DCDC1: variants seen among roughly 807,000 people sequenced by gnomAD.
The protein encoded by DCDC1 is doublecortin domain containing 1.
A neutral mutation model predicts 178.3 loss-of-function variants in DCDC1; 200 were observed. The observed-to-expected ratio is 1.12, with a 90% CI of 1.00 to 1.26. The LOEUF is 1.26. Ranked by LOEUF, DCDC1 falls within the 50% of genes most tolerant of loss-of-function variation. The pLI is 0.00. For missense variants in DCDC1, 1,983 were observed against 1,749.2 expected (o/e 1.13, Z -2.38); for synonymous variants, 690 against 604.8 (o/e 1.14, Z -2.07).
At chr11:31,342,088 T>C (rs796353961) in intron 1 of DCDC1, among the ~76,000 whole-genome samples, 3 of 152,230 alleles carry the variant, frequency 2.0e-5, no homozygotes, top group African/African-American at 7.2e-5. Flanking sequence ...CTAACTGACA[T>C]TAAGGGTCAT....
intron 3 of DCDC1, among the ~76,000 whole-genome samples, chr11:31,321,412 G>A (rs1009667731): frequency 4.7e-5 from 7 of 149,422 alleles, no homozygotes; most frequent in Non-Finnish European, 7.4e-5. Flanking sequence ...GGAGTGACCC[G>A]ATTTTCCAGG....
Position 30,920,891 on chromosome 11 carries a change from G to A in DCDC1, c.3178C>T (p.Leu1060Phe), listed in dbSNP as rs143428541. 1,780 of 1,613,022 alleles carry A rather than the reference G, an allele frequency of 1.1e-3. 10 individuals are homozygous for A. In the African/African-American group the frequency reaches 0.021, roughly 19 times the overall value. ...ATTGCTACAGGTTTATGCACAGCAAGCTTGCTTCCAGATACAATGTCACTT... is the reference window on the plus strand; with the variant it reads ...ATTGCTACAGGTTTATGCACAGCAAACTTGCTTCCAGATACAATGTCACTT... ...VQSDIVSGSKLAVHKPVAIFG... is the reference protein window; with the variant it reads ...VQSDIVSGSKFAVHKPVAIFG... Residue 1060 changes from leucine (L) to phenylalanine (F), a missense_variant, in exon 25 of 39, where the codon CTT becomes TTT. Leu to Phe is a conservative substitution (Grantham distance 22). Coordinates refer to ENST00000684477, the MANE Select transcript of DCDC1 (RefSeq NM_001387274.1).
intron 36 of DCDC1, among the ~76,000 whole-genome samples, chr11:30,888,032 G>GAGAAAGAAAGAA (rs1276190350): frequency 2.7e-5 from 3 of 111,438 alleles, no homozygotes; most frequent in African/African-American, 1.1e-4. Context: ...GAGAGAGAGA[G>GAGAAAGAAAGAA]AGAAAGAAAG....
intron 7 of DCDC1, among the ~76,000 whole-genome samples, chr11:31,274,084 A>G (rs2137200603): frequency 6.6e-6 from 1 of 152,306 alleles, no homozygotes; most frequent in South Asian, 2.1e-4. Context: ...CATATCAAGC[A>G]TGAACAAATC....
chr11:31,184,660 T>C (rs1969254752), intron 9 of DCDC1, among the ~76,000 whole-genome samples: 1 of 152,004 alleles, frequency 6.6e-6, no homozygotes, highest in Admixed American at 6.5e-5. Context: ...AACAAACATA[T>C]GGAAAAAGCT....
chr11:31,248,184 T>A, intron 8 of DCDC1, among the ~76,000 whole-genome samples: 1 of 152,100 alleles, frequency 6.6e-6, no homozygotes, highest in Non-Finnish European at 1.5e-5. Context: ...ATTATATAAT[T>A]ACTTGATCTA....
chr11:31,195,769 T>G (rs1970624907), intron 9 of DCDC1, among the ~76,000 whole-genome samples: 1 of 150,412 alleles, frequency 6.6e-6, no homozygotes, highest in Admixed American at 6.7e-5. Flanking sequence ...AATATTTTTG[T>G]TTTTTTTTAC....
intron 8 of DCDC1, among the ~76,000 whole-genome samples, chr11:31,253,354 AGAT>A (rs1944189451): frequency 1.3e-5 from 2 of 149,366 alleles, no homozygotes; most frequent in Admixed American, 6.7e-5. Flanking sequence ...AGAGTTTTGG[AGAT>A]TTTTTTTTTT....
chr11:31,044,477 C>CAA (rs34317259), intron 20 of DCDC1, among the ~76,000 whole-genome samples: 15 of 96,864 alleles, frequency 1.5e-4, no homozygotes, highest in Non-Finnish European at 2.6e-4. Context: ...TACTCCATCT[C>CAA]AAAAAAAAAA....
At chr11:31,132,035 A>G (rs969444367) in intron 10 of DCDC1, among the ~76,000 whole-genome samples, 1 of 152,206 alleles carries the variant, frequency 6.6e-6, no homozygotes, top group African/African-American at 2.4e-5. Context: ...TTCATCCGGC[A>G]TAGATTTTTG....
intron 20 of DCDC1, among the ~76,000 whole-genome samples, chr11:31,003,169 TC>T (rs2135043943): frequency 6.6e-6 from 1 of 151,930 alleles, no homozygotes; most frequent in Non-Finnish European, 1.5e-5. Context: ...CCCTCTGTTT[TC>T]CCCATAACAC....
intron 9 of DCDC1, among the ~76,000 whole-genome samples, chr11:31,179,244 T>C (rs180926978): frequency 2.7e-4 from 41 of 152,286 alleles, no homozygotes; most frequent in African/African-American, 8.4e-4. Flanking sequence ...GTTGGTGGGA[T>C]TGAAAACTAC....
At chr11:30,927,462 G>A (rs1946657975) in intron 22 of DCDC1, among the ~76,000 whole-genome samples, 1 of 152,072 alleles carries the variant, frequency 6.6e-6, no homozygotes, top group African/African-American at 2.4e-5. Flanking sequence ...TCCTACACCG[G>A]TTGATGTTAC....
chr11:31,196,459 C>T (rs1307855303), intron 9 of DCDC1, among the ~76,000 whole-genome samples: 5 of 152,096 alleles, frequency 3.3e-5, no homozygotes, highest in Non-Finnish European at 7.4e-5. Context: ...GTTACCCACA[C>T]TTCTGTCTGA....
At chr11:31,355,403 G>T (rs1022819820) in intron 1 of DCDC1, among the ~76,000 whole-genome samples, 1 of 152,038 alleles carries the variant, frequency 6.6e-6, no homozygotes, top group African/African-American at 2.4e-5. Context: ...ACAGTATGTT[G>T]AACTCAGCTA....
rs761093141 is a variant in DCDC1, at chr11:31,103,704, A to T, written c.1817T>A (p.Ile606Asn). ...CAAAAAGGTCTTATATGCAACCATGATATCACCTCTGGCAAATGCACTCAC... is the reference window on the plus strand; with the variant it reads ...CAAAAAGGTCTTATATGCAACCATGTTATCACCTCTGGCAAATGCACTCAC... ...DRVSAFARGD[I>N]MVAYKTFLDP... The change falls in exon 14 of 39, where the codon ATC becomes AAC. Residue 606 changes from isoleucine (I) to asparagine (N), a missense_variant. Ile to Asn is a moderately radical substitution (Grantham distance 149, BLOSUM62 -3). Transcript: ENST00000684477. The T allele has an allele frequency of 6.5e-6, 5 of 765,892 alleles. No homozygotes were observed. Among genetic ancestry groups the T allele is most frequent in the South Asian group, 1.3e-5 (1 of 74,576 alleles). The allele number at this position is 765,892 out of a possible 1,614,324, so 47.4% of individuals were successfully genotyped here. A position where few individuals can be genotyped will look rare whatever the true frequency, so the allele number is the denominator to read the frequency against.
At chr11:31,241,016 A>G (rs72886090) in intron 9 of DCDC1, among the ~76,000 whole-genome samples, 3 of 151,996 alleles carry the variant, frequency 2.0e-5, no homozygotes, top group Non-Finnish European at 1.5e-5. Flanking sequence ...TACTCTTGAC[A>G]TGAAGTTGAT....
rs1254919340 is a variant in DCDC1 at position 31,103,707 on chromosome 11, T to C, written c.1814A>G (p.Asp605Gly). Reference sequence around the variant, plus strand: ...AAAGGTCTTATATGCAACCATGATATCACCTCTGGCAAATGCACTCACTCG... The same window carrying C: ...AAAGGTCTTATATGCAACCATGATACCACCTCTGGCAAATGCACTCACTCG... The part of the protein sequence containing the change: ...FDRVSAFARG[D>G]IMVAYKTFLD... The change falls in exon 14 of 39, where the codon GAT becomes GGT. Residue 605 changes from aspartate (D) to glycine (G), a missense_variant. Physicochemically the swap from Asp to Gly is moderately conservative, Grantham distance 94. Coordinates refer to ENST00000684477, the MANE Select transcript of DCDC1 (RefSeq NM_001387274.1). 3 of 765,730 alleles carry C rather than the reference T, an allele frequency of 3.9e-6. No homozygotes were observed. In the Admixed American group the frequency reaches 5.1e-5, roughly 13 times the overall value. 47.4% of individuals were successfully genotyped at this position (765,730 alleles called of 1,614,324 possible).
chr11:31,281,422 T>C (rs1946417578), intron 7 of DCDC1, among the ~76,000 whole-genome samples: 1 of 152,134 alleles, frequency 6.6e-6, no homozygotes, highest in African/African-American at 2.4e-5. Flanking sequence ...AATTCCCTTC[T>C]ATTTCAAGTT....
Sources: allele counts gnomAD v4.1 joint callset (sites outside exome capture counted in the v4.1 genomes callset), GRCh38; gene constraint gnomAD v4.1.1; transcripts MANE v1.5; gene names NCBI Gene and HGNC (gene_info 2026-07-23, HGNC 2026-07-21).